The following ICE1 variants were observed in gnomAD, a reference collection of about 807,000 sequenced individuals.
The protein encoded by ICE1 is little elongation complex subunit 1.
A neutral mutation model predicts 192.7 loss-of-function variants in ICE1; 64 were observed. The ratio of observed to expected loss-of-function variants is 0.33; its 90% CI spans 0.27 to 0.41. ICE1 has a LOEUF of 0.41. ICE1 is among the 10% of genes least tolerant of loss of function. The pLI is 1.00. For synonymous variants in ICE1, 1,010 were observed against 984.5 expected, an observed-to-expected ratio of 1.03 and a Z score of -0.49; for missense variants, 2,708 against 2,696.0, an observed-to-expected ratio of 1.00 and a Z score of -0.10.
chr5:5,457,857 A>G lies in ICE1; in HGVS notation c.1101+116A>G, dbSNP rs575881212. On this transcript the variant is annotated intron_variant, in intron 12 of 18. Coordinates refer to ENST00000296564, the MANE Select transcript of ICE1 (RefSeq NM_015325.3). ...TTGCACAGATTATTCATTTTAGCCA[A>G]TTTTGTTAGGGGGTAACATGAGGTT... The G allele has an allele frequency of 5.6e-5, 58 of 1,040,596 alleles. No individual in the cohort carries two copies. The African/African-American group carries it at 7.8e-4, about 14-fold the overall frequency. 64.5% of individuals were successfully genotyped at this position (1,040,596 alleles called of 1,614,324 possible). A position where few individuals can be genotyped will look rare whatever the true frequency, so the allele number is the denominator to read the frequency against.
Position 5,447,905 on chromosome 5 carries a change from T to C in ICE1, c.604+8T>C. 1.3e-6 allele frequency: 2 copies of C among 1,554,928 alleles called. No homozygotes were observed. Among genetic ancestry groups the C allele is most frequent in the East Asian group, 2.4e-5 (1 of 42,198 alleles). ...ATGGAAGCATAGATAAAAGTGAGTATATTGCAACTTTTGTTTTAATGTTGT... is the reference window on the plus strand; with the variant it reads ...ATGGAAGCATAGATAAAAGTGAGTACATTGCAACTTTTGTTTTAATGTTGT... On this transcript the variant is annotated splice_region_variant and intron_variant, in intron 10 of 18. Transcript: ENST00000296564.
intron 1 of ICE1, 22 bp downstream of exon 1, chr5:5,423,021 C>G (rs1271343231): frequency 3.7e-6 from 5 of 1,347,400 alleles, no homozygotes; most frequent in African/African-American, 3.0e-5. Context: ...CCCGGGGCCC[C>G]GGGCGCGGGG....
intron 7 of ICE1, among the ~76,000 whole-genome samples, chr5:5,446,330 C>T (rs1391257772): frequency 1.3e-5 from 2 of 151,494 alleles, no homozygotes; most frequent in Admixed American, 6.6e-5. Context: ...GGTCTCACTC[C>T]GTCACCTAGG....
In ICE1 at chr5:5,461,783, C is replaced by T. The variant is rs1426329678; in HGVS notation, c.2449C>T (p.His817Tyr). Residue 817 changes from histidine (H) to tyrosine (Y), a missense_variant, in exon 13 of 19, where the codon CAT becomes TAT. Coordinates refer to ENST00000296564, the MANE Select transcript of ICE1 (RefSeq NM_015325.3). The stretch of plus-strand genomic sequence containing the variant: ...ATCAGAACATGAACAGAAGACTAGC[C>T]ATCAGTTACAAAAGGCAATGCCATT... ...AKSEHEQKTS[H>Y]QLQKAMPFLQ... 6 of 1,613,876 alleles carry T rather than the reference C, an allele frequency of 3.7e-6. No individual in the cohort carries two copies. The highest frequency in any genetic ancestry group is 3.3e-5 in the South Asian group (3 of 91,060).
intron 7 of ICE1, among the ~76,000 whole-genome samples, chr5:5,444,930 A>G (rs1738167684): frequency 6.6e-6 from 1 of 152,144 alleles, no homozygotes; most frequent in South Asian, 2.1e-4. Context: ...TGAACTCAAG[A>G]TCTTTTTATT....
At chr5:5,452,145 A>G (rs963614466) in intron 10 of ICE1, among the ~76,000 whole-genome samples, 43 of 150,586 alleles carry the variant, frequency 2.9e-4, no homozygotes, top group Non-Finnish European at 5.3e-4. Context: ...CAAGGCAAGC[A>G]TGCTTTTTGT....
intron 1 of ICE1, among the ~76,000 whole-genome samples, chr5:5,431,367 T>G (rs1234776411): frequency 6.6e-6 from 1 of 152,194 alleles, no homozygotes; most frequent in Non-Finnish European, 1.5e-5. Context: ...TTCATTTTCT[T>G]CTCCCTTCGA....
At position 5,463,019 on chromosome 5, in the gene ICE1, C is replaced by T. The variant is rs375327510; in HGVS notation, c.3685C>T (p.Leu1229Phe). The change falls in exon 13 of 19, where the codon CTT becomes TTT. Residue 1229 changes from leucine to phenylalanine, a missense_variant. This residue lies in a region of ICE1 where 2,366 missense variants were observed against 2,276.6 expected (regional missense o/e 1.04). Transcript: ENST00000296564. ...AAAGCAACCCTGTGAGGAAGAAACA[C>T]TTGGAACCTGTGAAGAGTGGATTGA... ...YRKQPCEEETLGTCEEWIESE... is the reference protein window; with the variant it reads ...YRKQPCEEETFGTCEEWIESE... 83 of 1,613,678 alleles carry T rather than the reference C, an allele frequency of 5.1e-5. No homozygotes were observed. The highest frequency in any genetic ancestry group is 6.7e-5 in the Non-Finnish European group (79 of 1,179,866).
In ICE1 at chr5:5,463,811, C is replaced by G. The variant is rs1738883233; in HGVS notation, c.4477C>G (p.Gln1493Glu). Reference protein sequence around the residue: ...APCGNNLSCPQEDVSSSGQST... With the variant: ...APCGNNLSCPEEDVSSSGQST... ...ATGTGGCAATAATCTTTCATGTCCCCAAGAGGATGTTTCAAGCAGTGGTCA... is the reference window on the plus strand; with the variant it reads ...ATGTGGCAATAATCTTTCATGTCCCGAAGAGGATGTTTCAAGCAGTGGTCA... Residue 1493 changes from glutamine (Q) to glutamate (E), a missense_variant, in exon 13 of 19, where the codon CAA (glutamine) becomes GAA (glutamate). Gln to Glu is a conservative substitution (Grantham distance 29). Transcript: ENST00000296564. 1 of 1,613,938 alleles carries G rather than the reference C, an allele frequency of 6.2e-7. No homozygotes were observed. The highest frequency in any genetic ancestry group is 8.5e-7 in the Non-Finnish European group (1 of 1,179,878).
intron 18 of ICE1, among the ~76,000 whole-genome samples, chr5:5,488,053 A>G (rs1739677401): frequency 6.6e-6 from 1 of 151,744 alleles, no homozygotes; most frequent in African/African-American, 2.4e-5. Flanking sequence ...TATTAAAATT[A>G]TTTTTAACCT....
At position 5,462,881 on chromosome 5, in the gene ICE1, C is replaced by A. The variant is rs1561090033; in HGVS notation, c.3547C>A (p.Gln1183Lys). The A allele has an allele frequency of 6.2e-7, 1 of 1,608,836 alleles. No homozygotes were observed. The highest frequency in any genetic ancestry group is 1.1e-5 in the South Asian group (1 of 90,108). The change falls in exon 13 of 19, where the codon CAG becomes AAG. Residue 1183 changes from glutamine (Q) to lysine (K), a missense_variant. Transcript: ENST00000296564. ...GGTTGTGATGTTTCTTGAGAGCTGT[C>A]AGTTAGGGGATTATAGTTCAGGGGA... ...SEVVMFLESC[Q>K]LGDYSSGDSV...
Position 5,436,420 on chromosome 5 carries a change from T to G in ICE1, c.87T>G (p.Asn29Lys). The G allele has an allele frequency of 6.8e-7, 1 of 1,469,452 alleles. No individual in the cohort carries two copies. The highest frequency in any genetic ancestry group is 9.0e-7 in the Non-Finnish European group (1 of 1,105,306). 91.0% of individuals were successfully genotyped at this position (1,469,452 alleles called of 1,614,324 possible). The change falls in exon 2 of 19, where the codon AAT becomes AAG. Residue 29 changes from asparagine (N) to lysine (K), a missense_variant and splice_region_variant. Asn to Lys is a moderately conservative substitution (Grantham distance 94, BLOSUM62 0). Coordinates refer to ENST00000296564, the MANE Select transcript of ICE1 (RefSeq NM_015325.3). Reference sequence around the variant, plus strand: ...GACTGTGGCTTTTTTTCTTTCAGAATTTGAATGAATATGTTGAAGCATTAA... The same window carrying G: ...GACTGTGGCTTTTTTTCTTTCAGAAGTTGAATGAATATGTTGAAGCATTAA... ...RCQGCASLQQ[N>K]LNEYVEALIT...
At position 5,460,739 on chromosome 5, in the gene ICE1, C is replaced by T. The variant is rs1271908001; in HGVS notation, c.1405C>T (p.Arg469Ter). The T allele has an allele frequency of 2.5e-6, 4 of 1,613,806 alleles. No individual in the cohort carries two copies. The highest frequency in any genetic ancestry group is 1.1e-5 in the South Asian group (1 of 91,080). The part of the protein sequence containing the change: ...VGEKHWTTAS[R>*]SMSDRKRDIL... The stretch of plus-strand genomic sequence containing the variant: ...TGAAAAACACTGGACCACAGCATCT[C>T]GATCCATGAGTGATAGAAAAAGAGA... Residue 469 changes from arginine to a stop codon, truncating the protein, a stop_gained, in exon 13 of 19, where the codon CGA becomes TGA. Transcript: ENST00000296564. LOFTEE classifies it high-confidence loss of function.
intron 17 of ICE1, among the ~76,000 whole-genome samples, chr5:5,480,709 G>C (rs2111403851): frequency 6.6e-6 from 1 of 152,200 alleles, no homozygotes; most frequent in Non-Finnish European, 1.5e-5. Context: ...TGTGTACTTT[G>C]CATGCAAATA....
intron 17 of ICE1, among the ~76,000 whole-genome samples, chr5:5,483,170 T>G (rs1739553088): frequency 6.6e-6 from 1 of 152,004 alleles, no homozygotes; most frequent in Non-Finnish European, 1.5e-5. Context: ...TTTTGTTGTT[T>G]TTTTTAGTAG....
chr5:5,477,038 C>T (rs1739334649), intron 17 of ICE1, among the ~76,000 whole-genome samples: 1 of 151,900 alleles, frequency 6.6e-6, no homozygotes, highest in South Asian at 2.1e-4. Flanking sequence ...TTACTTATCT[C>T]CTATGAATCT....
chr5:5,451,195 A>G (rs986540056), intron 10 of ICE1, among the ~76,000 whole-genome samples: 5 of 152,188 alleles, frequency 3.3e-5, no homozygotes, highest in African/African-American at 1.2e-4. Context: ...AGAAAATAAG[A>G]ATTGAAATAC....
At position 5,463,364 on chromosome 5, in the gene ICE1, A is replaced by G; in HGVS notation, c.4030A>G (p.Ser1344Gly). The change falls in exon 13 of 19, where the codon AGC becomes GGC. Residue 1344 changes from serine (S) to glycine (G), a missense_variant. By Grantham distance (56) the Ser-to-Gly change is moderately conservative. This residue lies in a region of ICE1 where 2,366 missense variants were observed against 2,276.6 expected (regional missense o/e 1.04). Transcript: ENST00000296564. ...SGMPQNENPQ[S>G]RPEARSDAGR... is the part of the protein sequence containing the mutation. The stretch of plus-strand genomic sequence containing the variant: ...TATGCCTCAGAATGAAAACCCTCAG[A>G]GCAGACCAGAGGCCCGTTCAGATGC... 5 of 1,613,874 alleles carry G rather than the reference A, an allele frequency of 3.1e-6. No homozygotes were observed. The highest frequency in any genetic ancestry group is 4.2e-6 in the Non-Finnish European group (5 of 1,179,858).
chr5:5,438,974 G>A (rs1188665466), intron 3 of ICE1, among the ~76,000 whole-genome samples: 3 of 152,120 alleles, frequency 2.0e-5, no homozygotes, highest in African/African-American at 7.2e-5. Context: ...GATTTAACAT[G>A]GCTTTTAAAA....
Sources: allele counts gnomAD v4.1 joint callset (sites outside exome capture counted in the v4.1 genomes callset), GRCh38; gene constraint gnomAD v4.1.1; regional missense constraint gnomAD v4.1.1; transcripts MANE v1.5; gene names NCBI Gene and HGNC (gene_info 2026-07-23, HGNC 2026-07-21).